CCDC178: variants seen among roughly 807,000 people sequenced by gnomAD.
The protein encoded by CCDC178 is coiled-coil domain containing 178, also known as coiled-coil domain-containing protein 178.
In CCDC178, 126 loss-of-function variants were observed where a neutral mutation model predicts 117.4. The observed-to-expected ratio is 1.07, with a 90% CI of 0.93 to 1.24. The LOEUF (loss-of-function observed/expected upper bound fraction) is 1.24. CCDC178 is among the 50% of genes most tolerant of loss of function. The pLI is 0.00. For missense variants in CCDC178, 1,030 were observed against 986.9 expected (o/e 1.04, Z -0.59); for synonymous variants, 283 against 313.4 (o/e 0.90, Z 1.02).
intron 20 of CCDC178, among the ~76,000 whole-genome samples, chr18:33,105,938 G>T (rs1260619027): frequency 6.6e-6 from 1 of 151,632 alleles, no homozygotes; most frequent in Non-Finnish European, 1.5e-5. Context: ...AATTACAGAG[G>T]ATCTTCACAG....
intron 21 of CCDC178, among the ~76,000 whole-genome samples, chr18:32,988,850 T>C (rs551307698): frequency 6.6e-6 from 1 of 152,218 alleles, no homozygotes; most frequent in South Asian, 2.1e-4. Flanking sequence ...TGAGTAATTT[T>C]ATGTAGTAAA....
intron 19 of CCDC178, among the ~76,000 whole-genome samples, chr18:33,213,968 A>G (rs271550): frequency 0.16 from 24,475 of 152,026 alleles, 2,748 homozygotes; most frequent in African/African-American, 0.32. Context: ...AGTTCTCAAT[A>G]AATAATAAGT....
At chr18:33,117,517 C>T (rs1229359932) in intron 20 of CCDC178, among the ~76,000 whole-genome samples, 1 of 151,890 alleles carries the variant, frequency 6.6e-6, no homozygotes, top group Non-Finnish European at 1.5e-5. Flanking sequence ...TTACACTAAA[C>T]TGCTTCGTTT....
intron 21 of CCDC178, among the ~76,000 whole-genome samples, chr18:33,033,569 A>G (rs2056387644): frequency 6.6e-6 from 1 of 152,016 alleles, no homozygotes; most frequent in African/African-American, 2.4e-5. Flanking sequence ...CAAAATACAC[A>G]AAAATATTCA....
At chr18:33,354,852 CA>C (rs765015352) in intron 7 of CCDC178, among the ~76,000 whole-genome samples, 1 of 152,066 alleles carries the variant, frequency 6.6e-6, no homozygotes, top group Non-Finnish European at 1.5e-5. Context: ...TGACATGATC[CA>C]CCCGCCTTGG....
At chr18:33,007,895 A>G (rs901242116) in intron 21 of CCDC178, among the ~76,000 whole-genome samples, 9 of 152,128 alleles carry the variant, frequency 5.9e-5, no homozygotes, top group African/African-American at 2.2e-4. Flanking sequence ...ACATTGTGCA[A>G]TAGCATCTAT....
At chr18:33,369,903 G>T in intron 6 of CCDC178, 147 bp downstream of exon 6, 1 of 610,544 alleles carries the variant, frequency 1.6e-6, no homozygotes. Context: ...GTCTAGACTA[G>T]TAAATGATGC....
chr18:33,374,991 T>C (rs2063345539), intron 5 of CCDC178, among the ~76,000 whole-genome samples: 1 of 152,160 alleles, frequency 6.6e-6, no homozygotes, highest in South Asian at 2.1e-4. Context: ...ACGAATGAAC[T>C]TTCTGGAAAG....
intron 21 of CCDC178, among the ~76,000 whole-genome samples, chr18:33,040,849 A>T (rs1183810636): frequency 6.6e-6 from 1 of 151,954 alleles, no homozygotes; most frequent in East Asian, 1.9e-4. Context: ...GGCTTCTCCT[A>T]CCCAGGAAAT....
At position 33,226,858 on chromosome 18, in the gene CCDC178, A is replaced by G; in HGVS notation, c.1594-3T>C. The G allele has an allele frequency of 6.6e-7, 1 of 1,525,574 alleles. No individual in the cohort carries two copies. The highest frequency in any genetic ancestry group is 8.9e-7 in the Non-Finnish European group (1 of 1,128,634). The allele number at this position is 1,525,574 out of a possible 1,614,324, so 94.5% of individuals were successfully genotyped here. Reference sequence around the variant, plus strand: ...TTTTTCAGGAATTCTTCTCTACCCTATATGTTAGGAAATTTTTAAAATGAG... The same window carrying G: ...TTTTTCAGGAATTCTTCTCTACCCTGTATGTTAGGAAATTTTTAAAATGAG... On this transcript the variant is annotated splice_region_variant and splice_polypyrimidine_tract_variant and intron_variant, in intron 15 of 22. Transcript: ENST00000383096.
chr18:33,337,924 T>C lies in CCDC178; in HGVS notation c.659-4530A>G, dbSNP rs115067777. Among the ~76,000 whole-genome samples the C allele has an allele frequency of 5.7e-3, 869 of 152,092 alleles. 7 individuals are homozygous for C. Among genetic ancestry groups the C allele is most frequent in the African/African-American group, 0.019 (777 of 41,500 alleles). On this transcript the variant is annotated intron_variant, in intron 9 of 22. Coordinates refer to ENST00000383096, the MANE Select transcript of CCDC178 (RefSeq NM_001105528.4). ...ATGAATAGATGGGACTTAATTAAAC[T>C]AAAAAAGCTTCTGCTCAGCAAAAGA... is the stretch of plus-strand genomic sequence containing the variant.
intron 20 of CCDC178, among the ~76,000 whole-genome samples, chr18:33,100,026 AG>A (rs2057601117): frequency 6.6e-6 from 1 of 151,998 alleles, no homozygotes; most frequent in Admixed American, 6.6e-5. Context: ...GTACGTACTG[AG>A]CAAGACAGAA....
chr18:33,132,807 T>C (rs2058081457), intron 20 of CCDC178, among the ~76,000 whole-genome samples: 1 of 151,728 alleles, frequency 6.6e-6, no homozygotes, highest in African/African-American at 2.4e-5. Context: ...GGAAAAATGC[T>C]TTTATAGTTT....
intron 10 of CCDC178, among the ~76,000 whole-genome samples, chr18:33,325,244 T>A (rs1268262700): frequency 6.6e-6 from 1 of 151,880 alleles, no homozygotes; most frequent in East Asian, 1.9e-4. Context: ...ATTGCCAGTT[T>A]TTGAATAATG....
chr18:33,148,678 A>AT (rs1183822842), intron 20 of CCDC178, among the ~76,000 whole-genome samples: 1 of 152,154 alleles, frequency 6.6e-6, no homozygotes, highest in Non-Finnish European at 1.5e-5. Context: ...ACTAGGTGTC[A>AT]TGCGACTGAG....
intron 21 of CCDC178, among the ~76,000 whole-genome samples, chr18:33,043,167 T>G (rs771009040): frequency 4.9e-4 from 74 of 152,108 alleles, no homozygotes; most frequent in Non-Finnish European, 6.3e-4. Context: ...TGTTTTAAAA[T>G]ACGACATATA....
chr18:32,969,396 T>A lies in CCDC178; in HGVS notation c.2523+5151A>T, dbSNP rs558661895. Among the ~76,000 whole-genome samples the A allele has an allele frequency of 4.6e-5, 7 of 152,114 alleles. No homozygotes were observed. In the East Asian group the frequency reaches 1.4e-3, roughly 30 times the overall value. Reference sequence around the variant, plus strand: ...TGCACCTGGCCTGTTTAATCTAACATCTGAACACCAGAAGTGCACGCTTGG... The same window carrying A: ...TGCACCTGGCCTGTTTAATCTAACAACTGAACACCAGAAGTGCACGCTTGG... On this transcript the variant is annotated intron_variant, in intron 22 of 22. Coordinates refer to ENST00000383096, the MANE Select transcript of CCDC178 (RefSeq NM_001105528.4).
chr18:33,077,109 C>T (rs1365916567), intron 21 of CCDC178, among the ~76,000 whole-genome samples: 1 of 152,154 alleles, frequency 6.6e-6, no homozygotes, highest in African/African-American at 2.4e-5. Context: ...CCCAATATCA[C>T]AGGTATTACA....
chr18:33,270,841 G>A lies in CCDC178; in HGVS notation c.1177-3544C>T, dbSNP rs144091764. Among the ~76,000 whole-genome samples the A allele has an allele frequency of 6.2e-3, 936 of 151,448 alleles. 9 individuals are homozygous for A. The highest frequency in any genetic ancestry group is 0.021 in the African/African-American group (890 of 41,426). ...AGGTAAATATTAAAAATGTATAAAC[G>A]TATTATTTTGTAACTCTTCTTCATT... On this transcript the variant is annotated intron_variant, in intron 12 of 22. Transcript: ENST00000383096.
Sources: gnomAD v4.1 joint callset for allele counts (sites outside exome capture counted in the v4.1 genomes callset) on GRCh38, gnomAD v4.1.1 for gene constraint, MANE v1.5 for transcripts, NCBI Gene and HGNC (gene_info 2026-07-23, HGNC 2026-07-21) for gene names.